RERG: variants seen among roughly 807,000 people sequenced by gnomAD.
RERG encodes ras-related and estrogen-regulated growth inhibitor.
RERG carries 25 observed loss-of-function variants against 23.2 expected under a neutral mutation model. The observed-to-expected ratio is 1.08, with a 90% CI of 0.79 to 1.50. The LOEUF (loss-of-function observed/expected upper bound fraction) is 1.50, where lower values mean the gene tolerates loss of function less well. Among genes scored for constraint, RERG ranks in the 40% most tolerant of loss-of-function variants. RERG has a pLI of 0.00. For missense variants in RERG, 253 were observed against 250.1 expected, an observed-to-expected ratio of 1.01 and a Z score of -0.08; for synonymous variants, 81 against 89.1, an observed-to-expected ratio of 0.91 and a Z score of 0.51.
intron 2 of RERG, among the ~76,000 whole-genome samples, chr12:15,133,137 T>C (rs1203490993): frequency 3.9e-5 from 4 of 102,454 alleles, no homozygotes; most frequent in Middle Eastern, 8.8e-3. Flanking sequence ...GGGTTGTATA[T>C]CCTGTGGAGA....
intron 2 of RERG, among the ~76,000 whole-genome samples, chr12:15,200,299 T>C (rs1865198321): frequency 6.6e-6 from 1 of 152,026 alleles, no homozygotes; most frequent in South Asian, 2.1e-4. Context: ...CCTGAAAAAA[T>C]GACCTGAGAA....
At chr12:15,200,106 G>GA (rs1481243631) in intron 2 of RERG, among the ~76,000 whole-genome samples, 14 of 152,012 alleles carry the variant, frequency 9.2e-5, no homozygotes, top group African/African-American at 3.1e-4. Context: ...AGATGACCAA[G>GA]AAAGAAATGT....
chr12:15,179,069 A>C (rs1334049157), intron 2 of RERG, among the ~76,000 whole-genome samples: 1 of 152,324 alleles, frequency 6.6e-6, no homozygotes, highest in East Asian at 1.9e-4. Flanking sequence ...TAAAGAAAGA[A>C]GGGAAGGGAA....
At chr12:15,208,341 C>T (rs1054228297) in intron 2 of RERG, among the ~76,000 whole-genome samples, 2 of 152,138 alleles carry the variant, frequency 1.3e-5, no homozygotes, top group African/African-American at 4.8e-5. Flanking sequence ...GAATGATCTA[C>T]TTCCGGTCAT....
At chr12:15,144,395 A>G (rs1864294454) in intron 2 of RERG, among the ~76,000 whole-genome samples, 1 of 152,204 alleles carries the variant, frequency 6.6e-6, no homozygotes, top group African/African-American at 2.4e-5. Context: ...ACTTGAAGGC[A>G]GCATAGCTAT....
chr12:15,168,842 G>C (rs1415414121), intron 2 of RERG, among the ~76,000 whole-genome samples: 2 of 152,142 alleles, frequency 1.3e-5, no homozygotes, highest in African/African-American at 2.4e-5. Flanking sequence ...TCAATTCGCA[G>C]ATGAGGAAAC....
At chr12:15,142,008 T>G (rs1013901032) in intron 2 of RERG, among the ~76,000 whole-genome samples, 3 of 152,224 alleles carry the variant, frequency 2.0e-5, no homozygotes, top group Non-Finnish European at 4.4e-5. Context: ...CATTTAACAT[T>G]TTACTATTAG....
chr12:15,148,849 T>TG (rs1200666121), intron 2 of RERG, among the ~76,000 whole-genome samples: 2 of 14,210 alleles, frequency 1.4e-4, no homozygotes, highest in South Asian at 2.0e-3. Flanking sequence ...TTAACTCTGT[T>TG]TTTTTTTTTT....
chr12:15,175,165 G>GTTTTTTTTTTTTTTTTTT (rs796515123), intron 2 of RERG, among the ~76,000 whole-genome samples: 1 of 140,276 alleles, frequency 7.1e-6, no homozygotes, highest in African/African-American at 2.7e-5. Flanking sequence ...TGTATTTGTT[G>GTTTTTTTTTTTTTTTTTT]TTTTTTTTTT....
At chr12:15,185,786 C>T (rs1259422933) in intron 2 of RERG, among the ~76,000 whole-genome samples, 2 of 151,246 alleles carry the variant, frequency 1.3e-5, no homozygotes, top group African/African-American at 4.9e-5. Flanking sequence ...TGCAATTTAC[C>T]CATATAACAA....
chr12:15,217,265 A>T (rs1865452276), intron 2 of RERG, 164 bp downstream of exon 2: 1 of 600,970 alleles, frequency 1.7e-6, no homozygotes, highest in South Asian at 2.1e-5. Flanking sequence ...GTAACAGTCG[A>T]TTACGCAAAA....
intron 2 of RERG, among the ~76,000 whole-genome samples, chr12:15,147,610 T>C (rs990895694): frequency 6.6e-6 from 1 of 152,212 alleles, no homozygotes; most frequent in Non-Finnish European, 1.5e-5. Flanking sequence ...TTTCAAAATG[T>C]GACAACTTGT....
chr12:15,160,287 G>A (rs1220960292), intron 2 of RERG, among the ~76,000 whole-genome samples: 1 of 151,898 alleles, frequency 6.6e-6, no homozygotes, highest in Non-Finnish European at 1.5e-5. Flanking sequence ...ACCCTCGCTG[G>A]GCAGCACAGT....
chr12:15,207,802 T>A (rs1865312659), intron 2 of RERG, among the ~76,000 whole-genome samples: 1 of 152,158 alleles, frequency 6.6e-6, no homozygotes, highest in Non-Finnish European at 1.5e-5. Context: ...TGTGAAGGGC[T>A]GTCATAAGGA....
intron 2 of RERG, 182 bp downstream of exon 2, chr12:15,217,247 A>G (rs1865451920): frequency 3.6e-6 from 2 of 554,364 alleles, no homozygotes; most frequent in African/African-American, 3.8e-5. Flanking sequence ...AAATAAGCAA[A>G]AGGATACGTA....
chr12:15,116,189 G>A (rs923907706), intron 3 of RERG, among the ~76,000 whole-genome samples: 10 of 152,304 alleles, frequency 6.6e-5, no homozygotes, highest in Admixed American at 2.6e-4. Flanking sequence ...GTGCTGCAGC[G>A]TGAGGAAGAG....
chr12:15,208,089 G>T (rs1023853386), intron 2 of RERG, among the ~76,000 whole-genome samples: 3 of 152,058 alleles, frequency 2.0e-5, no homozygotes, highest in Non-Finnish European at 4.4e-5. Flanking sequence ...ATTCTTGGAC[G>T]GCCTTAAGTG....
At chr12:15,173,795 T>C (rs1864808947) in intron 2 of RERG, among the ~76,000 whole-genome samples, 1 of 151,986 alleles carries the variant, frequency 6.6e-6, no homozygotes, top group Non-Finnish European at 1.5e-5. Flanking sequence ...TATATAGAAA[T>C]ATAATAGAGT....
At chr12:15,185,445 C>T (rs61907973) in intron 2 of RERG, among the ~76,000 whole-genome samples, 1,561 of 152,182 alleles carry the variant, frequency 0.01, 14 homozygotes, top group Admixed American at 0.018. Flanking sequence ...GCTACCTGCT[C>T]TTAGAATCCC....
Sources: allele counts gnomAD v4.1 joint callset (sites outside exome capture counted in the v4.1 genomes callset), GRCh38; gene constraint gnomAD v4.1.1; transcripts MANE v1.5; gene names NCBI Gene and HGNC (gene_info 2026-07-23, HGNC 2026-07-21).